Variants in ATG2B observed in about 807,000 individuals in gnomAD.
ATG2B encodes autophagy-related protein 2 homolog B.
Under a neutral mutation model 241.3 loss-of-function variants are expected in ATG2B, and 121 were observed. That is an observed-to-expected ratio of 0.50 (90% CI 0.43 to 0.58). The LOEUF (loss-of-function observed/expected upper bound fraction) is 0.58, where lower values mean the gene tolerates loss of function less well. Among genes scored for constraint, ATG2B ranks in the 20% least tolerant of loss-of-function variants. The probability of loss-of-function intolerance (pLI) is 0.00; values close to 1 mark genes in which losing one functional copy is unlikely to be tolerated. For missense variants in ATG2B, 2,306 were observed against 2,491.6 expected (o/e 0.93, Z 1.59); for synonymous variants, 858 against 876.6 (o/e 0.98, Z 0.37).
intron 1 of ATG2B, among the ~76,000 whole-genome samples, chr14:96,357,288 T>C (rs947828914): frequency 1.3e-5 from 2 of 152,198 alleles, no homozygotes; most frequent in Non-Finnish European, 2.9e-5. Context: ...TTGGAGTTCA[T>C]CTAAGTTTCA....
intron 25 of ATG2B, 53 bp from the exon 26 acceptor site, chr14:96,312,212 T>C: frequency 8.0e-7 from 1 of 1,254,998 alleles, no homozygotes; most frequent in Non-Finnish European, 1.1e-6. Flanking sequence ...TTGAGTATCA[T>C]ACCCCATAAT....
intron 30 of ATG2B, 112 bp downstream of exon 30, chr14:96,306,600 AGT>A: frequency 3.6e-6 from 3 of 825,206 alleles, no homozygotes; most frequent in South Asian, 2.0e-5. Flanking sequence ...AAAAAAAAAA[AGT>A]AACTCTGAAC....
chr14:96,324,226 T>C (rs1430873149), intron 15 of ATG2B: 2 of 481,282 alleles, frequency 4.2e-6, no homozygotes, highest in Non-Finnish European at 3.6e-6. Flanking sequence ...GTACACTGCA[T>C]AAAGTACATA....
At chr14:96,301,317 GCTACAGAA>G (rs67516233) in intron 34 of ATG2B, among the ~76,000 whole-genome samples, 112,908 of 151,340 alleles carry the variant, frequency 0.75, 42,349 homozygotes, top group African/African-American at 0.81. Context: ...ACTAGTAAAA[GCTACAGAA>G]CTAAGACTGG....
Position 96,285,916 on chromosome 14 carries a change from C to A in ATG2B, c.6076G>T (p.Gly2026Cys), listed in dbSNP as rs1472931392. The change falls in exon 42 of 42, where the codon GGT (glycine) becomes TGT (cysteine). Residue 2026 changes from glycine (G) to cysteine (C), a missense_variant. Around this residue, in one of 2 missense-constraint regions of ATG2B, gnomAD observed 379 missense variants for 480.4 expected, o/e 0.79. Transcript: ENST00000359933. This position sits in a 1 kb window ranked among gnomAD's most constrained non-coding sequence, Gnocchi z 4.2. ...AREHESRGVT[G>C]AVGEVLRQIP... is the part of the protein sequence containing the mutation. ...TGGCGCAGAACCTCGCCCACGGCAC[C>A]AGTCACCCCTCTGCTCTCGTGTTCT... The A allele has an allele frequency of 2.5e-6, 4 of 1,614,050 alleles. No individual in the cohort carries two copies. The highest frequency in any genetic ancestry group is 1.7e-5 in the Admixed American group (1 of 60,026).
chr14:96,359,494 A>G, intron 1 of ATG2B, among the ~76,000 whole-genome samples: 1 of 152,208 alleles, frequency 6.6e-6, no homozygotes, highest in East Asian at 1.9e-4. Flanking sequence ...AGCCCCTCAC[A>G]GTGGCACATG....
At chr14:96,320,347 T>A (rs1270571446) in intron 18 of ATG2B, among the ~76,000 whole-genome samples, 1 of 152,154 alleles carries the variant, frequency 6.6e-6, no homozygotes, top group African/African-American at 2.4e-5. Flanking sequence ...TTTTAATTAA[T>A]GCAGACTGGG....
chr14:96,293,767 G>A (rs904564797), intron 36 of ATG2B, among the ~76,000 whole-genome samples: 1 of 151,922 alleles, frequency 6.6e-6, no homozygotes, highest in Admixed American at 6.6e-5. Flanking sequence ...ATAGTCTAAT[G>A]GAAAAAATAA....
rs932724253 is a variant in ATG2B, at chr14:96,363,097, T to C, written c.-121A>G. The C allele has an allele frequency of 2.2e-4, 256 of 1,168,976 alleles. No individual in the cohort carries two copies. Among genetic ancestry groups the C allele is most frequent in the Admixed American group, 6.2e-4 (29 of 46,500 alleles). The allele number at this position is 1,168,976 out of a possible 1,614,324, so 72.4% of individuals were successfully genotyped here. On this transcript the variant is annotated 5_prime_UTR_variant, in exon 1 of 42. Transcript: ENST00000359933. ...GCCTGGGGCGGCCCCTCCATCCCTA[T>C]TTGGTGCCGGGAGTCCCTCAGGGAG... is the stretch of plus-strand genomic sequence containing the variant.
Position 96,334,919 on chromosome 14 carries a change from A to G in ATG2B, c.925-418T>C, listed in dbSNP as rs150746421. ...AGAACAAATAAAGTTGGCTTTCTTA[A>G]GTACACTACCAATCATACTCTAGCA... On this transcript the variant is annotated intron_variant, in intron 6 of 41. Transcript: ENST00000359933. Among the ~76,000 whole-genome samples, 969 of 152,310 alleles carry G rather than the reference A, an allele frequency of 6.4e-3. 12 individuals are homozygous for G. Among genetic ancestry groups the G allele is most frequent in the African/African-American group, 0.022 (922 of 41,562 alleles).
At chr14:96,357,260 C>G (rs976574094) in intron 1 of ATG2B, among the ~76,000 whole-genome samples, 1 of 152,112 alleles carries the variant, frequency 6.6e-6, no homozygotes, top group Non-Finnish European at 1.5e-5. Flanking sequence ...TTTTTCTGAT[C>G]CTTTACAATT....
chr14:96,322,789 C>G (rs1458853927), intron 16 of ATG2B, 54 bp from the exon 17 acceptor site: 1 of 1,490,398 alleles, frequency 6.7e-7, no homozygotes, highest in Non-Finnish European at 9.1e-7. Context: ...AACAGCAAAA[C>G]TTTAACTTTT....
intron 38 of ATG2B, 94 bp from the exon 39 acceptor site, chr14:96,291,029 C>A: frequency 9.2e-7 from 1 of 1,092,506 alleles, no homozygotes; most frequent in Non-Finnish European, 1.3e-6. Flanking sequence ...ACAAATTCTA[C>A]AAATTATAAG....
At chr14:96,344,084 A>T (rs1471991806) in intron 4 of ATG2B, among the ~76,000 whole-genome samples, 1 of 152,242 alleles carries the variant, frequency 6.6e-6, no homozygotes, top group Non-Finnish European at 1.5e-5. Context: ...AGGTGTATGT[A>T]TGTAAATTAA....
chr14:96,281,813 G>T lies in ATG2B; in HGVS notation c.*3942C>A, dbSNP rs1317030341. ...AATCAAGGGCCAACAATTGTTGTAG[G>T]AAAGCAAAATATACCTCTAACACCT... On this transcript the variant is annotated 3_prime_UTR_variant, in exon 42 of 42. Transcript: ENST00000359933. The T allele has an allele frequency of 1.9e-4, 29 of 152,184 alleles. No individual in the cohort carries two copies. The highest frequency in any genetic ancestry group is 1.9e-3 in the Admixed American group (29 of 15,276). 9.4% of individuals were successfully genotyped at this position (152,184 alleles called of 1,614,324 possible).
intron 23 of ATG2B, 61 bp from the exon 24 acceptor site, chr14:96,313,496 T>G (rs1887220045): frequency 1.3e-6 from 1 of 784,922 alleles, no homozygotes; most frequent in Non-Finnish European, 2.0e-6. Flanking sequence ...TCATATAATA[T>G]CCTTAATACC....
At chr14:96,331,238 A>C (rs1401380343) in intron 11 of ATG2B, 138 bp downstream of exon 11, 1 of 839,170 alleles carries the variant, frequency 1.2e-6, no homozygotes, top group African/African-American at 1.7e-5. Context: ...CACTCATTCC[A>C]TTCATTTACA....
rs1250667774 is a variant in ATG2B at position 96,328,539 on chromosome 14, T to TA, written c.1975-5_1975-4insT. The TA allele has an allele frequency of 6.3e-6, 10 of 1,580,062 alleles. No homozygotes were observed. The highest frequency in any genetic ancestry group is 3.5e-5 in the South Asian group (3 of 85,098). The stretch of plus-strand genomic sequence containing the variant: ...AACTAAGTCTTGCTTGATTACCCTT[T>TA]TAAAAAAAAAAAAGAAAAGGCATTA... On this transcript the variant is annotated splice_polypyrimidine_tract_variant and splice_region_variant and intron_variant, in intron 13 of 41. Coordinates refer to ENST00000359933, the MANE Select transcript of ATG2B (RefSeq NM_018036.7).
chr14:96,351,942 A>C (rs895010564), intron 1 of ATG2B, among the ~76,000 whole-genome samples: 18 of 152,100 alleles, frequency 1.2e-4, no homozygotes, highest in African/African-American at 4.3e-4. Flanking sequence ...TGCTTATCAA[A>C]ATGCATAAAT....
Sources: allele counts gnomAD v4.1 joint callset (sites outside exome capture counted in the v4.1 genomes callset), GRCh38; gene constraint gnomAD v4.1.1; regional missense constraint gnomAD v4.1.1; non-coding constraint Gnocchi (gnomAD v3.1); transcripts MANE v1.5; gene names NCBI Gene and HGNC (gene_info 2026-07-23, HGNC 2026-07-21).